SEC24B: variants seen among roughly 807,000 people sequenced by gnomAD.
The protein encoded by SEC24B is protein transport protein Sec24B.
A neutral mutation model predicts 142.8 loss-of-function variants in SEC24B; 45 were observed. That is an observed-to-expected ratio of 0.32 (90% CI 0.25 to 0.40). SEC24B has a LOEUF of 0.40. SEC24B is among the 10% of genes least tolerant of loss of function. The pLI is 1.00. For synonymous variants in SEC24B, 574 were observed against 568.2 expected, an observed-to-expected ratio of 1.01 and a Z score of -0.15; for missense variants, 1,409 against 1,526.8, an observed-to-expected ratio of 0.92 and a Z score of 1.29.
At chr4:109,469,620 G>A (rs1365326328) in intron 2 of SEC24B, among the ~76,000 whole-genome samples, 1 of 152,126 alleles carries the variant, frequency 6.6e-6, no homozygotes, top group Non-Finnish European at 1.5e-5. Context: ...GTAATCTGAA[G>A]GATAAAGTCT....
intron 2 of SEC24B, among the ~76,000 whole-genome samples, chr4:109,467,325 CAAAAAAA>C (rs70949083): frequency 3.3e-5 from 2 of 59,850 alleles, no homozygotes; most frequent in African/African-American, 1.3e-4. Flanking sequence ...GACTCCGTCT[CAAAAAAA>C]AAAAAAAAAA....
In SEC24B at chr4:109,462,905, A is replaced by G. The variant is rs536029041; in HGVS notation, c.138A>G (p.Pro46=). 19 of 1,519,134 alleles carry G rather than the reference A, an allele frequency of 1.3e-5. No individual in the cohort carries two copies. In the South Asian group the frequency reaches 1.8e-4, roughly 15 times the overall value. 94.1% of individuals were successfully genotyped at this position (1,519,134 alleles called of 1,614,324 possible). ...TGTAAATACTTGCTTTTTCAGGTCC[A>G]GCCCAGAATCAAATGCAGGTTCCAT... is the stretch of plus-strand genomic sequence containing the variant. ...AGPAPHQQNG[P]AQNQMQVPSG... is the part of the protein sequence containing the mutation. Residue 46 remains proline, a synonymous_variant, in exon 2 of 24, where the codon CCA becomes CCG. Coordinates refer to ENST00000265175, the MANE Select transcript of SEC24B (RefSeq NM_006323.5).
At chr4:109,469,796 A>G (rs1732326966) in intron 2 of SEC24B, among the ~76,000 whole-genome samples, 1 of 152,206 alleles carries the variant, frequency 6.6e-6, no homozygotes, top group Non-Finnish European at 1.5e-5. Context: ...TGATAAACGC[A>G]ACTCATTTCT....
chr4:109,506,995 T>C (rs1161874772), intron 7 of SEC24B, among the ~76,000 whole-genome samples: 1 of 152,162 alleles, frequency 6.6e-6, no homozygotes, highest in Non-Finnish European at 1.5e-5. Flanking sequence ...ACTCCCAGGC[T>C]TAATCCAGTC....
At position 109,525,445 on chromosome 4, in the gene SEC24B, A is replaced by T. The variant is rs370209995; in HGVS notation, c.2732A>T (p.Lys911Ile). ...GCAGAAAAGTTACAAAAAGACCTAA[A>T]ACGGTATCTCACAAGAAAAATTGGG... is the stretch of plus-strand genomic sequence containing the variant. ...SQAEKLQKDL[K>I]RYLTRKIGFE... Residue 911 changes from lysine to isoleucine, a missense_variant, in exon 16 of 24, where the codon AAA becomes ATA. Lys to Ile is a moderately radical substitution (Grantham distance 102, BLOSUM62 -3). Coordinates refer to ENST00000265175, the MANE Select transcript of SEC24B (RefSeq NM_006323.5). 1.9e-6 allele frequency: 3 copies of T among 1,612,034 alleles called. No homozygotes were observed. Among genetic ancestry groups the T allele is most frequent in the African/African-American group, 2.7e-5 (2 of 74,994 alleles).
At chr4:109,444,096 C>T (rs1010026309) in intron 1 of SEC24B, among the ~76,000 whole-genome samples, 1 of 151,094 alleles carries the variant, frequency 6.6e-6, no homozygotes, top group Non-Finnish European at 1.5e-5. Flanking sequence ...GTGGCGAGTG[C>T]ATGTAATCCC....
At chr4:109,475,825 T>C (rs963516377) in intron 3 of SEC24B, among the ~76,000 whole-genome samples, 17 of 152,164 alleles carry the variant, frequency 1.1e-4, no homozygotes, top group Admixed American at 7.9e-4. Context: ...TAATAAAATA[T>C]ATGCTTACAC....
intron 10 of SEC24B, among the ~76,000 whole-genome samples, chr4:109,515,889 A>G (rs1722805066): frequency 7.1e-6 from 1 of 141,156 alleles, no homozygotes; most frequent in South Asian, 2.7e-4. Context: ...ATCTCTACCA[A>G]ATACAAAAAT....
intron 22 of SEC24B, among the ~76,000 whole-genome samples, chr4:109,536,529 G>C (rs1330096761): frequency 6.6e-6 from 1 of 152,034 alleles, no homozygotes; most frequent in Non-Finnish European, 1.5e-5. Context: ...TGAATTTTTT[G>C]TTTTGTTTTG....
intron 11 of SEC24B, among the ~76,000 whole-genome samples, chr4:109,517,675 A>G (rs560364826): frequency 6.6e-6 from 1 of 152,048 alleles, no homozygotes; most frequent in South Asian, 2.1e-4. Flanking sequence ...CAGTGTAGAT[A>G]TATATATTTC....
chr4:109,477,596 G>C (rs1359803377), intron 3 of SEC24B, among the ~76,000 whole-genome samples: 1 of 152,078 alleles, frequency 6.6e-6, no homozygotes, highest in Non-Finnish European at 1.5e-5. Context: ...AAGGTGCTCA[G>C]ATTACAGGTG....
chr4:109,527,370 C>T lies in SEC24B; in HGVS notation c.3014C>T (p.Ser1005Leu). Residue 1005 changes from serine to leucine, a missense_variant, in exon 18 of 24, where the codon TCA becomes TTA. Transcript: ENST00000265175. ...ACACTTTGTTTGCCAGTGGTAAGTT[C>T]ACTAGCAGATGTATATGCGGGAGTG... ...VHTLCLPVVS[S>L]LADVYAGVDV... 1.2e-6 allele frequency: 2 copies of T among 1,613,542 alleles called. No individual in the cohort carries two copies. The highest frequency in any genetic ancestry group is 1.7e-6 in the Non-Finnish European group (2 of 1,179,754).
chr4:109,519,701 G>C (rs1578968990), intron 11 of SEC24B, among the ~76,000 whole-genome samples: 1 of 152,196 alleles, frequency 6.6e-6, no homozygotes, highest in South Asian at 2.1e-4. Flanking sequence ...TCTCTGAAAT[G>C]CTCTTGACCC....
intron 2 of SEC24B, among the ~76,000 whole-genome samples, chr4:109,471,639 T>G (rs182286635): frequency 8.0e-6 from 1 of 124,434 alleles, no homozygotes; most frequent in Non-Finnish European, 1.5e-5. Flanking sequence ...AATTCACTCA[T>G]GTGAATTCAT....
At chr4:109,529,153 ACT>A (rs1265859268) in intron 18 of SEC24B, among the ~76,000 whole-genome samples, 1 of 149,348 alleles carries the variant, frequency 6.7e-6, no homozygotes, top group African/African-American at 2.5e-5. Context: ...ACAGAGGGAG[ACT>A]CTGTCTCGGG....
intron 18 of SEC24B, among the ~76,000 whole-genome samples, chr4:109,529,400 T>A (rs1229403302): frequency 1.3e-5 from 2 of 152,182 alleles, no homozygotes; most frequent in Non-Finnish European, 1.5e-5. Context: ...AATTGTTTTT[T>A]AATATAATTC....
At chr4:109,500,180 T>C (rs904551745) in intron 6 of SEC24B, among the ~76,000 whole-genome samples, 1 of 152,172 alleles carries the variant, frequency 6.6e-6, no homozygotes, top group Non-Finnish European at 1.5e-5. Context: ...AATGGGTGTT[T>C]TACACTGTTT....
At position 109,539,550 on chromosome 4, in the gene SEC24B, C is replaced by A. The variant is rs751087637; in HGVS notation, c.3693-11C>A. 1 of 1,573,388 alleles carries A rather than the reference C, an allele frequency of 6.4e-7. No individual in the cohort carries two copies. The highest frequency in any genetic ancestry group is 1.3e-5 in the African/African-American group (1 of 74,174). On this transcript the variant is annotated splice_polypyrimidine_tract_variant and intron_variant, in intron 23 of 23. Transcript: ENST00000265175. ...AATACGTTTAGACAAATGCCCTTTT[C>A]TTTCTTCCAGAGATGAGAGTCCTGC... is the stretch of plus-strand genomic sequence containing the variant.
At chr4:109,491,452 G>A (rs1735013178) in intron 5 of SEC24B, 45 bp downstream of exon 5, 1 of 1,427,358 alleles carries the variant, frequency 7.0e-7, no homozygotes, top group Non-Finnish European at 9.9e-7. Context: ...GAAAGTTATT[G>A]ACCATCAGTT....
Sources: gnomAD v4.1 joint callset for allele counts (sites outside exome capture counted in the v4.1 genomes callset) on GRCh38, gnomAD v4.1.1 for gene constraint, MANE v1.5 for transcripts, NCBI Gene and HGNC (gene_info 2026-07-23, HGNC 2026-07-21) for gene names.